Variants in NRXN3 observed in about 807,000 individuals in gnomAD.
NRXN3 encodes neurexin III.
In NRXN3, 32 loss-of-function variants were observed where a neutral mutation model predicts 137.6. The observed-to-expected ratio is 0.23, with a 90% CI of 0.18 to 0.31. The LOEUF is 0.31. NRXN3 is among the 10% of genes least tolerant of loss of function. The pLI is 1.00. For missense variants in NRXN3, 1,574 were observed against 2,062.5 expected, an observed-to-expected ratio of 0.76 and a Z score of 4.59; for synonymous variants, 798 against 784.5, an observed-to-expected ratio of 1.02 and a Z score of -0.29.
intron 15 of NRXN3, among the ~76,000 whole-genome samples, chr14:79,122,474 C>T (rs1185729632): frequency 1.3e-5 from 2 of 152,146 alleles, no homozygotes; most frequent in African/African-American, 2.4e-5. Context: ...GCCATTAGCA[C>T]TCTCATTTCC....
intron 15 of NRXN3, among the ~76,000 whole-genome samples, chr14:79,362,570 T>C (rs2093723375): frequency 6.6e-6 from 1 of 152,202 alleles, no homozygotes; most frequent in Non-Finnish European, 1.5e-5. Flanking sequence ...GTTAAATAAC[T>C]TGCCTTCCAA....
At chr14:78,612,920 GT>G (rs1191261275) in intron 4 of NRXN3, among the ~76,000 whole-genome samples, 1 of 152,190 alleles carries the variant, frequency 6.6e-6, no homozygotes, top group African/African-American at 2.4e-5. Context: ...CTGTTGCTTG[GT>G]TTCTTTCCCT....
chr14:79,424,560 G>A (rs1289335211), intron 15 of NRXN3, among the ~76,000 whole-genome samples: 1 of 152,090 alleles, frequency 6.6e-6, no homozygotes, highest in Non-Finnish European at 1.5e-5. Flanking sequence ...ACTCTTCAGG[G>A]AGATTTGTAT....
chr14:78,820,425 TA>T (rs10632138), intron 10 of NRXN3, among the ~76,000 whole-genome samples: 4,980 of 120,934 alleles, frequency 0.041, 220 homozygotes, highest in African/African-American at 0.12. Context: ...ATGTTATTTC[TA>T]AAAAAAAAAA....
Position 79,347,062 on chromosome 14 carries a change from A to G in NRXN3, c.3263-120159A>G, listed in dbSNP as rs553631956. Among the ~76,000 whole-genome samples the G allele has an allele frequency of 2.0e-5, 3 of 152,264 alleles. No homozygotes were observed. The South Asian group carries it at 6.2e-4, about 32-fold the overall frequency. On this transcript the variant is annotated intron_variant, in intron 15 of 20. Coordinates refer to ENST00000335750, the MANE Select transcript of NRXN3 (RefSeq NM_001330195.2). ...TACGTGAGTTGGAGCAAAACTCTTG[A>G]GGTTAAATAATATTTGAATGGGCTC...
intron 4 of NRXN3, among the ~76,000 whole-genome samples, chr14:78,328,250 G>C (rs986629056): frequency 6.6e-6 from 1 of 152,070 alleles, no homozygotes; most frequent in Non-Finnish European, 1.5e-5. Context: ...CTCATGAGAC[G>C]TTTTTGACTG....
intron 15 of NRXN3, among the ~76,000 whole-genome samples, chr14:79,176,844 A>G (rs2062394201): frequency 6.6e-6 from 1 of 152,190 alleles, no homozygotes; most frequent in South Asian, 2.1e-4. Flanking sequence ...CACCCATCAG[A>G]AAGATGGAGT....
rs114621276 is a variant in NRXN3, at chr14:79,232,747, C to T, written c.3263-234474C>T. On this transcript the variant is annotated intron_variant, in intron 15 of 20. Transcript: ENST00000335750. ...TGCTTCAGGGAATAAACTGATTACC[C>T]GCGATGGTCAGGAAGGAATTTTCAC... Among the ~76,000 whole-genome samples the T allele has an allele frequency of 5.4e-3, 818 of 152,162 alleles. 6 individuals are homozygous for T. Among genetic ancestry groups the T allele is most frequent in the African/African-American group, 0.019 (778 of 41,506 alleles).
chr14:79,215,713 G>A (rs184777322), intron 15 of NRXN3, among the ~76,000 whole-genome samples: 310 of 152,194 alleles, frequency 2.0e-3, no homozygotes, highest in Non-Finnish European at 3.6e-3. Flanking sequence ...AGGGAATTAT[G>A]GGAACTACAA....
intron 4 of NRXN3, among the ~76,000 whole-genome samples, chr14:78,326,124 T>G (rs972350296): frequency 1.3e-5 from 2 of 152,124 alleles, no homozygotes; most frequent in Admixed American, 1.3e-4. Context: ...ATGCAGGAGT[T>G]TTACTGAGCT....
chr14:79,443,620 G>T (rs2096005486), intron 15 of NRXN3, among the ~76,000 whole-genome samples: 1 of 152,120 alleles, frequency 6.6e-6, no homozygotes, highest in African/African-American at 2.4e-5. Context: ...AAACCAATAG[G>T]CTCACTTTCC....
chr14:78,223,767 T>G (rs2153427460), intron 1 of NRXN3, among the ~76,000 whole-genome samples: 1 of 152,298 alleles, frequency 6.6e-6, no homozygotes, highest in African/African-American at 2.4e-5. Context: ...GGGCTGGACA[T>G]GCTGACCTGG....
At chr14:78,888,839 T>TCACACACACACACACACA (rs2099150843) in intron 10 of NRXN3, among the ~76,000 whole-genome samples, 3 of 131,822 alleles carry the variant, frequency 2.3e-5, no homozygotes, top group African/African-American at 1.2e-4. Flanking sequence ...GGGAGAGTAA[T>TCACACACACACACACACA]CACACACATA....
chr14:79,341,124 C>G (rs2092588663), intron 15 of NRXN3, among the ~76,000 whole-genome samples: 1 of 152,092 alleles, frequency 6.6e-6, no homozygotes, highest in Non-Finnish European at 1.5e-5. Context: ...TGGAGGGGCT[C>G]TTTTCTGAAA....
intron 15 of NRXN3, among the ~76,000 whole-genome samples, chr14:79,094,979 A>AGAGAGAGAGTGT (rs553957969): frequency 2.9e-4 from 34 of 115,924 alleles, no homozygotes; most frequent in African/African-American, 9.3e-4. Context: ...AGAGAGAGAG[A>AGAGAGAGAGTGT]GTGTGTGTGT....
chr14:78,708,569 C>A (rs71414706), intron 6 of NRXN3: 14 of 152,194 alleles, frequency 9.2e-5, no homozygotes, highest in African/African-American at 3.4e-4. Context: ...CACCCTCCCA[C>A]TCCAGAATAT....
At chr14:78,233,709 A>T (rs903077605) in intron 1 of NRXN3, among the ~76,000 whole-genome samples, 1 of 149,620 alleles carries the variant, frequency 6.7e-6, no homozygotes, top group Non-Finnish European at 1.5e-5. Context: ...AAAAAAAAAG[A>T]ATGCTTCCTA....
At chr14:79,016,358 C>T (rs2099579247) in intron 15 of NRXN3, among the ~76,000 whole-genome samples, 1 of 152,166 alleles carries the variant, frequency 6.6e-6, no homozygotes, top group South Asian at 2.1e-4. Context: ...AATGCCTGAT[C>T]TCCAGGCTCA....
intron 1 of NRXN3, among the ~76,000 whole-genome samples, chr14:78,195,322 C>T (rs187416688): frequency 3.9e-5 from 6 of 152,180 alleles, no homozygotes; most frequent in East Asian, 3.9e-4. Flanking sequence ...TTTGTTCATT[C>T]GTTCGTTCGT....
Sources: gnomAD v4.1 joint callset for allele counts (sites outside exome capture counted in the v4.1 genomes callset) on GRCh38, gnomAD v4.1.1 for gene constraint, MANE v1.5 for transcripts, NCBI Gene and HGNC (gene_info 2026-07-23, HGNC 2026-07-21) for gene names.